The following LHFPL2 variants were observed in gnomAD, a reference collection of about 807,000 sequenced individuals.
The protein encoded by LHFPL2 is LHFPL tetraspan subfamily member 2.
A neutral mutation model predicts 17.5 loss-of-function variants in LHFPL2; 7 were observed. The observed-to-expected ratio is 0.40, with a 90% CI of 0.23 to 0.75. The LOEUF is 0.75. LHFPL2 is among the 30% of genes least tolerant of loss of function. The pLI is 0.37. For missense variants in LHFPL2, 241 were observed against 294.8 expected, an observed-to-expected ratio of 0.82 and a Z score of 1.34; for synonymous variants, 134 against 116.2, an observed-to-expected ratio of 1.15 and a Z score of -0.99.
At chr5:78,611,639 T>A (rs547095732) in intron 2 of LHFPL2, among the ~76,000 whole-genome samples, 1 of 152,134 alleles carries the variant, frequency 6.6e-6, no homozygotes, top group Non-Finnish European at 1.5e-5. Context: ...CAGGACCAGA[T>A]GACACCAGCC....
intron 2 of LHFPL2, among the ~76,000 whole-genome samples, chr5:78,595,001 G>A (rs1295324221): frequency 1.3e-5 from 2 of 152,174 alleles, no homozygotes; most frequent in African/African-American, 2.4e-5. Flanking sequence ...AGCCTGGCTG[G>A]CCTAGCTATC....
At chr5:78,531,602 T>TG (rs1755786910) in intron 3 of LHFPL2, among the ~76,000 whole-genome samples, 1 of 152,186 alleles carries the variant, frequency 6.6e-6, no homozygotes, top group African/African-American at 2.4e-5. Context: ...CAAAGGTGAA[T>TG]GTCTTACTCA....
intron 2 of LHFPL2, among the ~76,000 whole-genome samples, chr5:78,617,032 T>G (rs76030718): frequency 0.011 from 1,750 of 152,234 alleles, 33 homozygotes; most frequent in African/African-American, 0.04. Flanking sequence ...TCTCTTTTTT[T>G]TTTCTTTTTT....
intron 2 of LHFPL2, among the ~76,000 whole-genome samples, chr5:78,604,941 G>A (rs1744159223): frequency 6.6e-6 from 1 of 152,204 alleles, no homozygotes; most frequent in Non-Finnish European, 1.5e-5. Context: ...CTAACAGAAT[G>A]TACTTAACTT....
chr5:78,553,736 G>C lies in LHFPL2; in HGVS notation c.-186+11077C>G, dbSNP rs139592522. 7.4e-4 allele frequency among the ~76,000 whole-genome samples: 113 copies of C among 152,304 alleles called. 1 individual carries two copies. Among genetic ancestry groups the C allele is most frequent in the Admixed American group, 2.5e-3 (39 of 15,308 alleles). ...CAAGTAATGAAGGTAGCTCTGCTCA[G>C]ACTTGGCTGGCCACAGACTTCCGTC... On this transcript the variant is annotated intron_variant, in intron 3 of 4. Coordinates refer to ENST00000380345, the MANE Select transcript of LHFPL2 (RefSeq NM_005779.3).
rs1172235295 is a variant in LHFPL2 at position 78,485,460 on chromosome 5, AC to A, written c.*3436del. ...CCGAGTCCCTCCAGAGCACCTACTGACCCCCTCAGCCTTGGAAGGAGTTTCA... is the reference window on the plus strand; with the variant it reads ...CCGAGTCCCTCCAGAGCACCTACTGACCCCTCAGCCTTGGAAGGAGTTTCA... On this transcript the variant is annotated 3_prime_UTR_variant, in exon 5 of 5. Coordinates refer to ENST00000380345, the MANE Select transcript of LHFPL2 (RefSeq NM_005779.3). 1 of 152,512 alleles carries A rather than the reference AC, an allele frequency of 6.6e-6. No individual in the cohort carries two copies. Among genetic ancestry groups the A allele is most frequent in the African/African-American group, 2.4e-5 (1 of 41,384 alleles). 9.4% of individuals were successfully genotyped at this position (152,512 alleles called of 1,614,324 possible).
chr5:78,489,343 A>G (rs910989083), intron 4 of LHFPL2, among the ~76,000 whole-genome samples, 190 bp from the exon 5 acceptor site: 7 of 152,114 alleles, frequency 4.6e-5, no homozygotes, highest in African/African-American at 1.2e-4. Flanking sequence ...AAATATTTTC[A>G]GCCACTTTTT....
At chr5:78,611,584 C>A (rs1039908796) in intron 2 of LHFPL2, among the ~76,000 whole-genome samples, 3 of 152,078 alleles carry the variant, frequency 2.0e-5, no homozygotes, top group Non-Finnish European at 4.4e-5. Context: ...AGGGCTGGGG[C>A]AGAAGGAGCC....
At chr5:78,553,390 C>T (rs1158480200) in intron 3 of LHFPL2, among the ~76,000 whole-genome samples, 1 of 152,184 alleles carries the variant, frequency 6.6e-6, no homozygotes, top group African/African-American at 2.4e-5. Flanking sequence ...AATTGGTTGA[C>T]CACAGCAGCA....
intron 1 of LHFPL2, among the ~76,000 whole-genome samples, chr5:78,647,059 GA>G (rs1226951747): frequency 6.6e-6 from 1 of 152,086 alleles, no homozygotes; most frequent in Admixed American, 6.5e-5. Flanking sequence ...ACCACTTAGA[GA>G]AAAATACTAT....
intron 1 of LHFPL2, among the ~76,000 whole-genome samples, chr5:78,647,174 G>C (rs926474831): frequency 6.6e-6 from 1 of 152,066 alleles, no homozygotes; most frequent in Non-Finnish European, 1.5e-5. Flanking sequence ...TGAGACTCTT[G>C]GATTCTATTT....
chr5:78,591,400 C>A (rs1743622417), intron 2 of LHFPL2, among the ~76,000 whole-genome samples: 1 of 152,146 alleles, frequency 6.6e-6, no homozygotes, highest in South Asian at 2.1e-4. Context: ...TAATGAGTCA[C>A]TAAACAAAAG....
intron 2 of LHFPL2, among the ~76,000 whole-genome samples, chr5:78,590,714 A>G (rs1743596714): frequency 6.6e-6 from 1 of 152,244 alleles, no homozygotes. Flanking sequence ...TTCACTAAAC[A>G]GTCATACGAA....
At chr5:78,621,652 A>C (rs1038408422) in intron 2 of LHFPL2, among the ~76,000 whole-genome samples, 1 of 152,142 alleles carries the variant, frequency 6.6e-6, no homozygotes, top group Non-Finnish European at 1.5e-5. Flanking sequence ...CTAAACATTA[A>C]TTGCTACTTT....
At chr5:78,508,547 CT>C (rs1400722285) in intron 4 of LHFPL2, among the ~76,000 whole-genome samples, 21 of 152,198 alleles carry the variant, frequency 1.4e-4, no homozygotes, top group African/African-American at 5.1e-4. Flanking sequence ...GAACAGTAAA[CT>C]TTATCTTATC....
chr5:78,590,908 A>G (rs1743603822), intron 2 of LHFPL2, among the ~76,000 whole-genome samples: 1 of 152,222 alleles, frequency 6.6e-6, no homozygotes, highest in Non-Finnish European at 1.5e-5. Flanking sequence ...CTCCGATTCT[A>G]TTTAGGGATC....
intron 3 of LHFPL2, among the ~76,000 whole-genome samples, chr5:78,556,842 T>C (rs1016746359): frequency 6.6e-6 from 1 of 152,232 alleles, no homozygotes; most frequent in African/African-American, 2.4e-5. Flanking sequence ...GACAGTAGAT[T>C]ACCAGTGGTG....
At chr5:78,524,709 T>G (rs1452884490) in intron 3 of LHFPL2, among the ~76,000 whole-genome samples, 1 of 138,480 alleles carries the variant, frequency 7.2e-6, no homozygotes, top group Non-Finnish European at 1.5e-5. Context: ...ACCACTGCAC[T>G]CCAGTCTGGG....
chr5:78,602,478 G>T (rs1744053512), intron 2 of LHFPL2, among the ~76,000 whole-genome samples: 1 of 152,170 alleles, frequency 6.6e-6, no homozygotes, highest in African/African-American at 2.4e-5. Flanking sequence ...CACCAGAAAA[G>T]AATGGTATAA....
Sources: allele counts gnomAD v4.1 joint callset (sites outside exome capture counted in the v4.1 genomes callset), GRCh38; gene constraint gnomAD v4.1.1; transcripts MANE v1.5; gene names NCBI Gene and HGNC (gene_info 2026-07-23, HGNC 2026-07-21).